Variants in ZNF808 observed in about 807,000 individuals in gnomAD.
ZNF808 encodes the protein zinc finger protein 808.
A neutral mutation model predicts 8.7 loss-of-function variants in ZNF808; 5 were observed. That is an observed-to-expected ratio of 0.58 (90% CI 0.30 to 1.21). The LOEUF (loss-of-function observed/expected upper bound fraction) is 1.21, where lower values mean the gene tolerates loss of function less well. ZNF808 is among the 50% of genes most tolerant of loss of function. The pLI is 0.07. For missense variants in ZNF808, 1,103 were observed against 1,098.4 expected (o/e 1.00, Z -0.06); for synonymous variants, 380 against 366.0 (o/e 1.04, Z -0.44).
chr19:52,566,820 C>CT (rs942468518), downstream of ZNF808, among the ~76,000 whole-genome samples: 28 of 152,306 alleles, frequency 1.8e-4, no homozygotes, highest in East Asian at 5.8e-4. Context: ...AGAAAAGCAG[C>CT]TTAATCATAC....
intron 1 of ZNF808, among the ~76,000 whole-genome samples, chr19:52,532,624 G>C (rs560802283): frequency 3.2e-4 from 48 of 152,196 alleles, no homozygotes; most frequent in African/African-American, 1.2e-3. Flanking sequence ...ATACATTTTA[G>C]GGTCACAGTG....
intron 2 of ZNF808, among the ~76,000 whole-genome samples, chr19:52,535,330 C>CAAAAAAAA (rs560559835): frequency 2.9e-5 from 2 of 70,142 alleles, no homozygotes; most frequent in African/African-American, 5.3e-5. Flanking sequence ...GACTCCGTCT[C>CAAAAAAAA]AAAAAAAAAA....
At chr19:52,535,191 C>T (rs903970221) in intron 2 of ZNF808, among the ~76,000 whole-genome samples, 11 of 151,460 alleles carry the variant, frequency 7.3e-5, no homozygotes, top group Non-Finnish European at 1.3e-4. Context: ...ATTAGCCGAG[C>T]GTCGTGGTGG....
chr19:52,547,064 C>T (rs566813465), intron 3 of ZNF808, among the ~76,000 whole-genome samples: 1 of 151,168 alleles, frequency 6.6e-6, no homozygotes, highest in African/African-American at 2.4e-5. Context: ...TCTCCTGCCT[C>T]AGCCTCCTGT....
intron 2 of ZNF808, among the ~76,000 whole-genome samples, chr19:52,537,258 G>C (rs1269354027): frequency 3.3e-5 from 5 of 151,974 alleles, no homozygotes; most frequent in Admixed American, 3.3e-4. Flanking sequence ...GAGGGAAGAA[G>C]GGGATAAATA....
At chr19:52,536,656 CTCCGCGATGCGGGTGTCTTACCCCAAA>C (rs1358708695) in intron 2 of ZNF808, among the ~76,000 whole-genome samples, 44 of 152,312 alleles carry the variant, frequency 2.9e-4, no homozygotes, top group African/African-American at 1.0e-3. Context: ...AAATGCGCTT[CTCCGCGATGCGGGTGTCTTACCCCAAA>C]CCCGCAGAGT....
At chr19:52,542,958 TG>T (rs67486103) in intron 2 of ZNF808, among the ~76,000 whole-genome samples, 205 of 142,044 alleles carry the variant, frequency 1.4e-3, no homozygotes, top group Middle Eastern at 3.5e-3. Context: ...ATCTTTTTTT[TG>T]GGGGGGGGGT....
Position 52,553,829 on chromosome 19 carries a change from C to T in ZNF808, c.913C>T (p.His305Tyr), listed in dbSNP as rs1275047364. ...CAGTTACAAGTCATCCCTTACATGC[C>T]ATCATAGACTTCATACTGGAGTAAA... is the stretch of plus-strand genomic sequence containing the variant. Reference protein sequence around the residue: ...SFSYKSSLTCHHRLHTGVKPY... With the variant: ...SFSYKSSLTCYHRLHTGVKPY... The change falls in exon 5 of 5, where the codon CAT becomes TAT. Residue 305 changes from histidine to tyrosine, a missense_variant. By Grantham distance (83) the His-to-Tyr change is moderately conservative (BLOSUM62 2). Transcript: ENST00000359798. 6.2e-7 allele frequency: 1 copy of T among 1,614,058 alleles called. No homozygotes were observed. The highest frequency in any genetic ancestry group is 8.5e-7 in the Non-Finnish European group (1 of 1,180,010).
In ZNF808 at chr19:52,554,899, T is replaced by G. The variant is rs1276388128; in HGVS notation, c.1983T>G (p.Ser661Arg). 2 of 1,614,206 alleles carry G rather than the reference T, an allele frequency of 1.2e-6. No homozygotes were observed. Among genetic ancestry groups the G allele is most frequent in the Non-Finnish European group, 1.7e-6 (2 of 1,180,026 alleles). The part of the protein sequence containing the change: ...YKCNECGKTF[S>R]YKSSLVWHRR... The stretch of plus-strand genomic sequence containing the variant: ...GTAATGAGTGTGGGAAGACCTTCAG[T>G]TACAAGTCATCACTTGTATGGCATC... Residue 661 changes from serine (S) to arginine (R), a missense_variant, in exon 5 of 5, where the codon AGT (serine) becomes AGG (arginine). Ser to Arg is a moderately radical substitution (Grantham distance 110). Coordinates refer to ENST00000359798, the MANE Select transcript of ZNF808 (RefSeq NM_001039886.4).
At chr19:52,530,660 C>G (rs811920) in intron 1 of ZNF808, among the ~76,000 whole-genome samples, 14,140 of 124,124 alleles carry the variant, frequency 0.11, 1,001 homozygotes, top group African/African-American at 0.22. Flanking sequence ...TAGACTCCAT[C>G]TGACAAAAAA....
chr19:52,548,058 C>CTGAG (rs2059740789), intron 4 of ZNF808, among the ~76,000 whole-genome samples: 1 of 152,054 alleles, frequency 6.6e-6, no homozygotes, highest in South Asian at 2.1e-4. Flanking sequence ...TTTTGAGGAG[C>CTGAG]ATCACAGAAG....
chr19:52,563,640 G>A (rs12327640), exon 4 of ZNF808: 1 of 153,184 alleles, frequency 6.5e-6, no homozygotes, highest in Non-Finnish European at 1.5e-5. Flanking sequence ...GTTTGTAAAT[G>A]AATAACTTAT....
At chr19:52,540,483 A>C (rs1422780844) in intron 2 of ZNF808, among the ~76,000 whole-genome samples, 2 of 152,228 alleles carry the variant, frequency 1.3e-5, no homozygotes, top group Middle Eastern at 6.8e-3. Flanking sequence ...ATTTTCTACT[A>C]TGTGATATAT....
At chr19:52,529,573 A>G (rs1051237467) in intron 1 of ZNF808, among the ~76,000 whole-genome samples, 1 of 152,202 alleles carries the variant, frequency 6.6e-6, no homozygotes, top group African/African-American at 2.4e-5. Flanking sequence ...ATCAGAGGTT[A>G]TGTTCCACTT....
Position 52,553,641 on chromosome 19 carries a change from G to T in ZNF808, c.725G>T (p.Cys242Phe). 1 of 1,614,154 alleles carries T rather than the reference G, an allele frequency of 6.2e-7. No individual in the cohort carries two copies. Among genetic ancestry groups the T allele is most frequent in the South Asian group, 1.1e-5 (1 of 91,076 alleles). ...AATGAGAGTGGCAAAGCCTTTAATTGTAGCTCACTCTTAAGGAAACACCAG... is the reference window on the plus strand; with the variant it reads ...AATGAGAGTGGCAAAGCCTTTAATTTTAGCTCACTCTTAAGGAAACACCAG... Reference protein sequence around the residue: ...PCNESGKAFNCSSLLRKHQIP... With the variant: ...PCNESGKAFNFSSLLRKHQIP... Residue 242 changes from cysteine to phenylalanine, a missense_variant, in exon 5 of 5, where the codon TGT becomes TTT. Cys to Phe is a radical substitution (Grantham distance 205, BLOSUM62 -2). Transcript: ENST00000359798.
intron 3 of ZNF808, 90 bp from the exon 4 acceptor site, chr19:52,547,422 A>G (rs2059732670): frequency 1.3e-6 from 2 of 1,599,002 alleles, no homozygotes; most frequent in Admixed American, 1.8e-5. Flanking sequence ...CTTTGATCAA[A>G]TAAATACTTA....
At chr19:52,550,380 A>C (rs562811920) in intron 4 of ZNF808, among the ~76,000 whole-genome samples, 12 of 152,064 alleles carry the variant, frequency 7.9e-5, no homozygotes, top group African/African-American at 2.9e-4. Context: ...AGAGGCATGC[A>C]CCACCACACC....
chr19:52,540,912 G>A (rs1490494635), intron 2 of ZNF808, among the ~76,000 whole-genome samples: 2 of 152,042 alleles, frequency 1.3e-5, no homozygotes, highest in African/African-American at 2.4e-5. Context: ...AAGAAGTTTC[G>A]TTTGCTCAGG....
At chr19:52,565,526 A>G (rs1038333615), downstream of ZNF808, among the ~76,000 whole-genome samples, 3 of 152,198 alleles carry the variant, frequency 2.0e-5, no homozygotes, top group Non-Finnish European at 2.9e-5. Context: ...CACCCTGGCA[A>G]TGTAAACTGA....
Sources: gnomAD v4.1 joint callset for allele counts (sites outside exome capture counted in the v4.1 genomes callset) on GRCh38, gnomAD v4.1.1 for gene constraint, MANE v1.5 for transcripts, NCBI Gene and HGNC (gene_info 2026-07-23, HGNC 2026-07-21) for gene names.